TEAD2: variants seen among roughly 807,000 people sequenced by gnomAD.
The protein encoded by TEAD2 is TEA domain transcription factor 2, also known as transcriptional enhancer factor TEF-4.
In TEAD2, 51 loss-of-function variants were observed where a neutral mutation model predicts 61.4. The ratio of observed to expected loss-of-function variants is 0.83; its 90% confidence interval spans 0.66 to 1.05. TEAD2 has a LOEUF of 1.05. Among genes scored for constraint, TEAD2 ranks in the 50% least tolerant of loss-of-function variants. TEAD2 has a pLI of 0.00. For synonymous variants in TEAD2, 244 were observed against 243.2 expected (o/e 1.00, Z -0.03); for missense variants, 509 against 600.0 (o/e 0.85, Z 1.58).
chr19:49,348,460 C>G (rs1170142729), intron 9 of TEAD2, among the ~76,000 whole-genome samples: 1 of 150,044 alleles, frequency 6.7e-6, no homozygotes, highest in Non-Finnish European at 1.5e-5. Flanking sequence ...TTCCTTTATG[C>G]TAGTAGTTCT....
intron 8 of TEAD2, 168 bp from the exon 9 acceptor site, chr19:49,349,013 G>A (rs1377204696): frequency 4.1e-6 from 3 of 736,158 alleles, no homozygotes; most frequent in Non-Finnish European, 5.8e-6. Context: ...TAGCCAATGA[G>A]ACGTTAGGGG....
At chr19:49,346,165 CAAA>C (rs10684078) in intron 10 of TEAD2, among the ~76,000 whole-genome samples, 12 of 44,402 alleles carry the variant, frequency 2.7e-4, no homozygotes, top group Admixed American at 1.3e-3. Flanking sequence ...AATTCCATCT[CAAA>C]AAAAAAAAAA....
rs1196895973 is a variant in TEAD2 at position 49,341,611 on chromosome 19, G to C, written c.1243-174C>G. On this transcript the variant is annotated intron_variant, in intron 12 of 12. Transcript: ENST00000593945. The surrounding 1 kb of genome is among the most constrained non-coding windows in gnomAD (Gnocchi z 4.2). ...AGGGATGCCCAAAAGTCAGTTCCCTGGGCAATGGGGGTTACCCCTCAGCTG... is the reference window on the plus strand; with the variant it reads ...AGGGATGCCCAAAAGTCAGTTCCCTCGGCAATGGGGGTTACCCCTCAGCTG... 1.3e-5 allele frequency among the ~76,000 whole-genome samples: 2 copies of C among 152,144 alleles called. No homozygotes were observed. The highest frequency in any genetic ancestry group is 1.3e-4 in the Admixed American group (2 of 15,272).
chr19:49,341,761 C>T lies in TEAD2; in HGVS notation c.1243-324G>A, dbSNP rs1014400076. On this transcript the variant is annotated intron_variant, in intron 12 of 12. Coordinates refer to ENST00000593945, the MANE Select transcript of TEAD2 (RefSeq NM_001256660.2). The surrounding 1 kb of genome is among the most constrained non-coding windows in gnomAD (Gnocchi z 4.2). ...GGGAGAACCCTCCCTGCAGGTTCCGCGGTCAAGGGGTCTCTGCCTCAGCAG... is the reference window on the plus strand; with the variant it reads ...GGGAGAACCCTCCCTGCAGGTTCCGTGGTCAAGGGGTCTCTGCCTCAGCAG... Among the ~76,000 whole-genome samples, 2 of 152,242 alleles carry T rather than the reference C, an allele frequency of 1.3e-5. No individual in the cohort carries two copies. Among genetic ancestry groups the T allele is most frequent in the African/African-American group, 4.8e-5 (2 of 41,544 alleles).
chr19:49,341,763 G>A lies in TEAD2; in HGVS notation c.1243-326C>T, dbSNP rs1971284826. On this transcript the variant is annotated intron_variant, in intron 12 of 12. Transcript: ENST00000593945. The surrounding 1 kb of genome is among the most constrained non-coding windows in gnomAD (Gnocchi z 4.2). The stretch of plus-strand genomic sequence containing the variant: ...GAGAACCCTCCCTGCAGGTTCCGCG[G>A]TCAAGGGGTCTCTGCCTCAGCAGTC... 6.6e-6 allele frequency among the ~76,000 whole-genome samples: 1 copy of A among 152,108 alleles called. No individual in the cohort carries two copies. The highest frequency in any genetic ancestry group is 2.1e-4 in the South Asian group (1 of 4,808).
At chr19:49,360,232 T>G (rs11882257) in intron 1 of TEAD2, 151 bp from the exon 2 acceptor site, 155,695 of 639,366 alleles carry the variant, frequency 0.24, 19,861 homozygotes, top group African/African-American at 0.32. Flanking sequence ...AGCTGGGGGG[T>G]ATTCCTGGGT....
intron 7 of TEAD2, among the ~76,000 whole-genome samples, chr19:49,354,722 G>A (rs375570491): frequency 6.6e-6 from 1 of 151,320 alleles, no homozygotes; most frequent in Non-Finnish European, 1.5e-5. Context: ...AATAGAGGCT[G>A]GGCACGGTGG....
At position 49,347,289 on chromosome 19, in the gene TEAD2, G is replaced by T; in HGVS notation, c.822C>A (p.Asp274Glu). The change falls in exon 10 of 13, where the codon GAC becomes GAA. Residue 274 changes from aspartate (D) to glutamate (E), a missense_variant. Transcript: ENST00000593945. ...GGAATTTGTCGTAGATCTGCCGGAC[G>T]TCCACACTCTCGAGCGGCGGCGCTC... ...SPGAPPLESV[D>E]VRQIYDKFPE... The T allele has an allele frequency of 3.1e-6, 5 of 1,613,994 alleles. No individual in the cohort carries two copies. Among genetic ancestry groups the T allele is most frequent in the Non-Finnish European group, 4.2e-6 (5 of 1,180,018 alleles).
At position 49,359,459 on chromosome 19, in the gene TEAD2, C is replaced by A. The variant is rs752489586; in HGVS notation, c.273G>T (p.Thr91=). Residue 91 remains threonine (T), a synonymous_variant, in exon 3 of 13, where the codon ACG becomes ACT. Coordinates refer to ENST00000593945, the MANE Select transcript of TEAD2 (RefSeq NM_001256660.2). The surrounding 1 kb of genome is among the most constrained non-coding windows in gnomAD (Gnocchi z 4.1). ...CCTGTTTTCGAGTTCGGGTCTTCCC[C>A]GTTCTCAGCTTGATGTAGCGGGCGA... The part of the protein sequence containing the change: ...ELIARYIKLR[T]GKTRTRKQVS... 1.9e-5 allele frequency: 31 copies of A among 1,613,944 alleles called. No homozygotes were observed. The highest frequency in any genetic ancestry group is 2.4e-5 in the Non-Finnish European group (28 of 1,180,012).
chr19:49,345,133 C>T (rs2146325769), intron 10 of TEAD2, among the ~76,000 whole-genome samples: 1 of 152,224 alleles, frequency 6.6e-6, no homozygotes, highest in East Asian at 1.9e-4. Context: ...GTCTTAAGCC[C>T]CAACAATGTC....
chr19:49,343,855 T>G (rs30005), intron 10 of TEAD2, among the ~76,000 whole-genome samples: 12,819 of 110,846 alleles, frequency 0.12, 1,071 homozygotes, highest in Non-Finnish European at 0.16. Context: ...TCTTTTTTTT[T>G]GGGGGGGGGG....
In TEAD2 at chr19:49,341,233, C is replaced by G; in HGVS notation, c.*91G>C. The G allele has an allele frequency of 1.8e-6, 2 of 1,130,326 alleles. No individual in the cohort carries two copies. Among genetic ancestry groups the G allele is most frequent in the Non-Finnish European group, 2.7e-6 (2 of 753,520 alleles). The allele number at this position is 1,130,326 out of a possible 1,614,324, so 70.0% of individuals were successfully genotyped here. Reference sequence around the variant, plus strand: ...GAGGTCAACCCCTTTACATCACAGCCCTCTCCCCAAATAAGAAGCATGAGG... The same window carrying G: ...GAGGTCAACCCCTTTACATCACAGCGCTCTCCCCAAATAAGAAGCATGAGG... On this transcript the variant is annotated 3_prime_UTR_variant, in exon 13 of 13. Transcript: ENST00000593945. The surrounding 1 kb of genome is among the most constrained non-coding windows in gnomAD (Gnocchi z 4.2).
chr19:49,353,737 C>T (rs1972173622), intron 7 of TEAD2, among the ~76,000 whole-genome samples: 1 of 151,530 alleles, frequency 6.6e-6, no homozygotes, highest in Non-Finnish European at 1.5e-5. Flanking sequence ...TCCCCAGTGA[C>T]CTTCCTTCTC....
intron 8 of TEAD2, among the ~76,000 whole-genome samples, chr19:49,350,598 G>A (rs987047712): frequency 6.6e-6 from 1 of 152,094 alleles, no homozygotes; most frequent in African/African-American, 2.4e-5. Context: ...GCCTCCCAAA[G>A]TGCTGGGATT....
intron 7 of TEAD2, among the ~76,000 whole-genome samples, chr19:49,353,904 CT>C (rs750568563): frequency 7.1e-4 from 108 of 151,930 alleles, no homozygotes; most frequent in Admixed American, 1.4e-3. Context: ...CCTCACCCTC[CT>C]GAGTAGCTGG....
chr19:49,358,236 A>G (rs1250351674), intron 3 of TEAD2, among the ~76,000 whole-genome samples: 1 of 152,192 alleles, frequency 6.6e-6, no homozygotes, highest in African/African-American at 2.4e-5. Flanking sequence ...TCCGTCTCAA[A>G]AAAATATTTA....
chr19:49,360,162 A>C, intron 1 of TEAD2, 81 bp from the exon 2 acceptor site: 1 of 1,162,138 alleles, frequency 8.6e-7, no homozygotes, highest in Admixed American at 2.2e-5. Flanking sequence ...GGGACTCTGG[A>C]CCACTGGGTC....
chr19:49,347,577 C>T (rs1203726912), intron 9 of TEAD2, among the ~76,000 whole-genome samples: 1 of 152,152 alleles, frequency 6.6e-6, no homozygotes, highest in Non-Finnish European at 1.5e-5. Context: ...TCCCCAACTC[C>T]CTGCCACAAC....
In TEAD2 at chr19:49,348,552, C is replaced by T; in HGVS notation, c.747+151G>A. 3 of 809,500 alleles carry T rather than the reference C, an allele frequency of 3.7e-6. No homozygotes were observed. The South Asian group carries it at 4.7e-5, about 13-fold the overall frequency. 50.1% of individuals were successfully genotyped at this position (809,500 alleles called of 1,614,324 possible). A position where few individuals can be genotyped will look rare whatever the true frequency, so the allele number is the denominator to read the frequency against. ...CAAATTCTCAAGCCCCACATCACATCTAGCAAATCAGAAAGCAATCTCTGT... is the reference window on the plus strand; with the variant it reads ...CAAATTCTCAAGCCCCACATCACATTTAGCAAATCAGAAAGCAATCTCTGT... On this transcript the variant is annotated intron_variant, in intron 9 of 12. Coordinates refer to ENST00000593945, the MANE Select transcript of TEAD2 (RefSeq NM_001256660.2).
Sources: allele counts gnomAD v4.1 joint callset (sites outside exome capture counted in the v4.1 genomes callset), GRCh38; gene constraint gnomAD v4.1.1; non-coding constraint Gnocchi (gnomAD v3.1); transcripts MANE v1.5; gene names NCBI Gene and HGNC (gene_info 2026-07-23, HGNC 2026-07-21).